The following CSMD1 variants were observed in gnomAD, a reference collection of about 807,000 sequenced individuals.
CSMD1 encodes CUB and sushi domain-containing protein 1.
Under a neutral mutation model 417.5 loss-of-function variants are expected in CSMD1, and 213 were observed. That is an observed-to-expected ratio of 0.51 (90% CI 0.46 to 0.57). The LOEUF is 0.57. CSMD1 is among the 20% of genes least tolerant of loss of function. The pLI is 0.00. For synonymous variants in CSMD1, 2,862 were observed against 1,736.8 expected (o/e 1.65, Z -16.11); for missense variants, 6,923 against 4,529.7 (o/e 1.53, Z -15.17).
At chr8:4,854,393 T>A (rs1801667400) in intron 1 of CSMD1, among the ~76,000 whole-genome samples, 1 of 152,100 alleles carries the variant, frequency 6.6e-6, no homozygotes, top group Non-Finnish European at 1.5e-5. Context: ...TAGAAGCGTG[T>A]GCCACTCCGG....
Position 3,509,194 on chromosome 8 carries a change from G to T in CSMD1, c.1345-15468C>A, listed in dbSNP as rs75597577. Among the ~76,000 whole-genome samples, 243 of 152,228 alleles carry T rather than the reference G, an allele frequency of 1.6e-3. 1 individual carries two copies. The highest frequency in any genetic ancestry group is 8.3e-3 in the South Asian group (40 of 4,826). ...CTATGTCAAGAAAGTGATTGGTTTC[G>T]GAAATCTGGGCAATTAGAGAAACAA... On this transcript the variant is annotated intron_variant, in intron 10 of 69. Transcript: ENST00000635120.
At chr8:4,153,270 CAG>C (rs1796664517) in intron 3 of CSMD1, among the ~76,000 whole-genome samples, 2 of 152,188 alleles carry the variant, frequency 1.3e-5, no homozygotes, top group Admixed American at 1.3e-4. Context: ...GCTATAAAGA[CAG>C]AGTGTCCAAG....
chr8:4,069,640 C>T lies in CSMD1; in HGVS notation c.416-37541G>A, dbSNP rs78641520. Among the ~76,000 whole-genome samples, 711 of 152,284 alleles carry T rather than the reference C, an allele frequency of 4.7e-3. 4 individuals carry two copies. Among genetic ancestry groups the T allele is most frequent in the African/African-American group, 0.015 (636 of 41,568 alleles). Reference sequence around the variant, plus strand: ...GGCCTGTATTCCCCTCAAGCCTCTGCAGCTTCCTGGGCCATGGCTCCTGTT... The same window carrying T: ...GGCCTGTATTCCCCTCAAGCCTCTGTAGCTTCCTGGGCCATGGCTCCTGTT... On this transcript the variant is annotated intron_variant, in intron 3 of 69. Coordinates refer to ENST00000635120, the MANE Select transcript of CSMD1 (RefSeq NM_033225.6).
rs183176617 is a variant in CSMD1 at position 3,475,652 on chromosome 8, T to A, written c.1449-6828A>T. Among the ~76,000 whole-genome samples, 59 of 152,318 alleles carry A rather than the reference T, an allele frequency of 3.9e-4. No homozygotes were observed. The East Asian group carries it at 0.011, about 29-fold the overall frequency. On this transcript the variant is annotated intron_variant, in intron 11 of 69. Transcript: ENST00000635120. ...AAATTCTGTGATCTTTTGCACAGAT[T>A]TCAGTGAAGATACTGCTGTCTCACA... is the stretch of plus-strand genomic sequence containing the variant.
chr8:4,291,675 C>A (rs528028590), intron 3 of CSMD1, among the ~76,000 whole-genome samples: 2 of 152,052 alleles, frequency 1.3e-5, no homozygotes, highest in African/African-American at 4.8e-5. Flanking sequence ...CAGAAAGATA[C>A]AAAATTCTTT....
chr8:3,380,249 G>C (rs1382419250), intron 18 of CSMD1, among the ~76,000 whole-genome samples: 3 of 152,298 alleles, frequency 2.0e-5, no homozygotes, highest in South Asian at 2.1e-4. Flanking sequence ...ACAGATGCTG[G>C]AGAGGCTGTG....
intron 36 of CSMD1, among the ~76,000 whole-genome samples, chr8:3,182,622 G>GTGTT (rs1554454524): frequency 5.3e-5 from 3 of 56,842 alleles, no homozygotes; most frequent in African/African-American, 1.5e-4. Context: ...GTGTGTGTGT[G>GTGTT]TGTGTGTGTG....
At chr8:3,803,678 G>A (rs1563096467) in intron 5 of CSMD1, among the ~76,000 whole-genome samples, 1 of 152,204 alleles carries the variant, frequency 6.6e-6, no homozygotes, top group African/African-American at 2.4e-5. Flanking sequence ...GCACCACGCA[G>A]AGATTTGTTG....
At chr8:4,545,674 G>A (rs1797596716) in intron 2 of CSMD1, among the ~76,000 whole-genome samples, 1 of 152,146 alleles carries the variant, frequency 6.6e-6, no homozygotes, top group African/African-American at 2.4e-5. Flanking sequence ...AGTGTGCAGT[G>A]AGACATGCTC....
At chr8:3,264,125 A>G in intron 26 of CSMD1, among the ~76,000 whole-genome samples, 1 of 152,198 alleles carries the variant, frequency 6.6e-6, no homozygotes, top group East Asian at 1.9e-4. Context: ...AATATGATTA[A>G]ACTGATTCCC....
At chr8:3,946,098 A>G (rs926783704) in intron 5 of CSMD1, among the ~76,000 whole-genome samples, 4 of 152,148 alleles carry the variant, frequency 2.6e-5, no homozygotes, top group Non-Finnish European at 1.5e-5. Context: ...GGAGGACTTT[A>G]TCGCTTGCAC....
chr8:4,043,957 T>C lies in CSMD1; in HGVS notation c.416-11858A>G, dbSNP rs545807224. Among the ~76,000 whole-genome samples the C allele has an allele frequency of 6.0e-4, 92 of 152,300 alleles. 1 individual carries two copies. In the Middle Eastern group the frequency reaches 0.01, roughly 17 times the overall value. On this transcript the variant is annotated intron_variant, in intron 3 of 69. Transcript: ENST00000635120. ...ACCACACCATATTGTCCCAATTGTG[T>C]TGATATAATTGAAATGCTTTTAAAT...
chr8:2,995,727 G>A (rs760207122), intron 54 of CSMD1, among the ~76,000 whole-genome samples: 3 of 152,116 alleles, frequency 2.0e-5, no homozygotes, highest in Admixed American at 6.5e-5. Context: ...AAAAGGGACT[G>A]AATTATTGAC....
At chr8:4,781,548 T>A (rs1797153215) in intron 1 of CSMD1, among the ~76,000 whole-genome samples, 1 of 152,222 alleles carries the variant, frequency 6.6e-6, no homozygotes, top group South Asian at 2.1e-4. Flanking sequence ...GCCAATAGGA[T>A]AATAAAAGTT....
intron 10 of CSMD1, among the ~76,000 whole-genome samples, chr8:3,545,391 A>C (rs1798614706): frequency 6.6e-6 from 1 of 152,228 alleles, no homozygotes; most frequent in African/African-American, 2.4e-5. Flanking sequence ...GTAAAACATA[A>C]ACAGCCATTG....
chr8:4,332,471 A>G (rs1442885172), intron 3 of CSMD1, among the ~76,000 whole-genome samples: 1 of 151,822 alleles, frequency 6.6e-6, no homozygotes, highest in Non-Finnish European at 1.5e-5. Flanking sequence ...TGTCTCTCCA[A>G]CTGAGCACCT....
At chr8:3,317,241 A>C (rs1805834565) in intron 23 of CSMD1, among the ~76,000 whole-genome samples, 1 of 152,218 alleles carries the variant, frequency 6.6e-6, no homozygotes, top group Non-Finnish European at 1.5e-5. Flanking sequence ...TCTTTCATTG[A>C]TAACACCTGT....
intron 2 of CSMD1, among the ~76,000 whole-genome samples, chr8:4,487,745 G>C (rs1585155067): frequency 6.6e-6 from 1 of 152,184 alleles, no homozygotes; most frequent in South Asian, 2.1e-4. Flanking sequence ...AGTGTACTCA[G>C]TCTAACTGCC....
In CSMD1 at chr8:3,334,130, T is replaced by C. The variant is rs559184340; in HGVS notation, c.3631+9164A>G. Reference sequence around the variant, plus strand: ...GTCTACTGATGTGTTTGGGTAGAGATAGGTGGGAGAGGATGCCAGAAGAAA... The same window carrying C: ...GTCTACTGATGTGTTTGGGTAGAGACAGGTGGGAGAGGATGCCAGAAGAAA... On this transcript the variant is annotated intron_variant, in intron 23 of 69. Coordinates refer to ENST00000635120, the MANE Select transcript of CSMD1 (RefSeq NM_033225.6). Among the ~76,000 whole-genome samples the C allele has an allele frequency of 1.5e-4, 23 of 152,308 alleles. No individual in the cohort carries two copies. In the South Asian group the frequency reaches 3.9e-3, roughly 26 times the overall value.
Sources: allele counts gnomAD v4.1 joint callset (sites outside exome capture counted in the v4.1 genomes callset), GRCh38; gene constraint gnomAD v4.1.1; transcripts MANE v1.5; gene names NCBI Gene and HGNC (gene_info 2026-07-23, HGNC 2026-07-21).